KCNH1: variants seen among roughly 807,000 people sequenced by gnomAD.
KCNH1 encodes voltage-gated delayed rectifier potassium channel KCNH1.
KCNH1 carries 27 observed loss-of-function variants against 69.2 expected under a neutral mutation model. The ratio of observed to expected loss-of-function variants is 0.39; its 90% CI spans 0.29 to 0.54. The LOEUF (loss-of-function observed/expected upper bound fraction) is 0.54, where lower values mean the gene tolerates loss of function less well. Ranked by LOEUF, KCNH1 falls within the 20% of genes least tolerant of loss-of-function variation. The probability of loss-of-function intolerance (pLI) is 0.68; values close to 1 mark genes in which losing one functional copy is unlikely to be tolerated. For missense variants in KCNH1, 798 were observed against 1,261.6 expected (o/e 0.63, Z 5.57); for synonymous variants, 456 against 487.7 (o/e 0.93, Z 0.86).
intron 5 of KCNH1, among the ~76,000 whole-genome samples, chr1:211,053,850 G>T (rs1432099063): frequency 6.6e-6 from 1 of 152,058 alleles, no homozygotes; most frequent in Non-Finnish European, 1.5e-5. Context: ...CAAGAGAGAG[G>T]ATTTAAGGTG....
At chr1:210,996,470 A>T (rs949820344) in intron 6 of KCNH1, among the ~76,000 whole-genome samples, 87 of 152,350 alleles carry the variant, frequency 5.7e-4, no homozygotes, top group African/African-American at 2.1e-3. Flanking sequence ...TTGATTAGGT[A>T]AACAAAGCAG....
rs529144364 is a variant in KCNH1, at chr1:210,705,071, G to T, written c.2113-20933C>A. On this transcript the variant is annotated intron_variant, in intron 10 of 10. Coordinates refer to ENST00000271751, the MANE Select transcript of KCNH1 (RefSeq NM_172362.3). Reference sequence around the variant, plus strand: ...GGTAGGGAGGTGGGGCGGCCCCTGCGCAGGAGACAAGAATTGATCTCACTT... The same window carrying T: ...GGTAGGGAGGTGGGGCGGCCCCTGCTCAGGAGACAAGAATTGATCTCACTT... Among the ~76,000 whole-genome samples, 21 of 152,258 alleles carry T rather than the reference G, an allele frequency of 1.4e-4. No homozygotes were observed. In the South Asian group the frequency reaches 3.9e-3, roughly 29 times the overall value.
intron 6 of KCNH1, among the ~76,000 whole-genome samples, chr1:210,936,874 T>C (rs1326018909): frequency 3.9e-5 from 6 of 152,204 alleles, no homozygotes; most frequent in Non-Finnish European, 7.3e-5. Context: ...TGAGTGCAAC[T>C]TTCCATTCCT....
chr1:211,029,538 AGAG>A (rs1250845533), intron 5 of KCNH1, among the ~76,000 whole-genome samples: 2 of 151,974 alleles, frequency 1.3e-5, no homozygotes, highest in Non-Finnish European at 2.9e-5. Flanking sequence ...AAATAGAAAT[AGAG>A]GAGAACTTCC....
At chr1:211,036,361 G>A (rs1000092515) in intron 5 of KCNH1, among the ~76,000 whole-genome samples, 3 of 152,158 alleles carry the variant, frequency 2.0e-5, no homozygotes, top group Non-Finnish European at 4.4e-5. Context: ...ACTCAGATAG[G>A]ACAAATGTAA....
rs563637464 is a variant in KCNH1 at position 210,740,350 on chromosome 1, A to G, written c.2112+34998T>C. ...TTTCATTCCCTCCTATCTTTTTTTC[A>G]GAAACAGACTTTTACCTTCTAACAA... On this transcript the variant is annotated intron_variant, in intron 10 of 10. Transcript: ENST00000271751. Among the ~76,000 whole-genome samples, 13 of 152,270 alleles carry G rather than the reference A, an allele frequency of 8.5e-5. No individual in the cohort carries two copies. In the South Asian group the frequency reaches 2.5e-3, roughly 29 times the overall value.
chr1:210,811,669 A>G (rs568563490), intron 7 of KCNH1, among the ~76,000 whole-genome samples: 103 of 152,276 alleles, frequency 6.8e-4, no homozygotes, highest in Non-Finnish European at 1.4e-3. Context: ...GGCTTCAGGA[A>G]TTACTGGCTT....
intron 7 of KCNH1, among the ~76,000 whole-genome samples, chr1:210,849,723 G>T (rs561693828): frequency 1.3e-5 from 2 of 152,084 alleles, no homozygotes; most frequent in South Asian, 2.1e-4. Context: ...GTAAAACAAA[G>T]AATAGCTACT....
intron 7 of KCNH1, among the ~76,000 whole-genome samples, chr1:210,854,197 C>T (rs926179709): frequency 6.6e-6 from 1 of 152,044 alleles, no homozygotes; most frequent in African/African-American, 2.4e-5. Context: ...TTGTTTTATA[C>T]AATAATGTAT....
At chr1:210,704,229 A>G (rs1484555344) in intron 10 of KCNH1, among the ~76,000 whole-genome samples, 1 of 152,120 alleles carries the variant, frequency 6.6e-6, no homozygotes, top group East Asian at 1.9e-4. Context: ...GAGCAGTACA[A>G]TGCTCTGCTG....
chr1:210,790,506 G>A (rs1684192783), intron 9 of KCNH1, among the ~76,000 whole-genome samples: 1 of 152,092 alleles, frequency 6.6e-6, no homozygotes, highest in East Asian at 1.9e-4. Flanking sequence ...CCCAACTACA[G>A]TTGGCAGATT....
At chr1:210,735,820 CAGAGAG>C (rs886917658) in intron 10 of KCNH1, among the ~76,000 whole-genome samples, 171 of 68,270 alleles carry the variant, frequency 2.5e-3, no homozygotes, top group African/African-American at 6.6e-3. Context: ...CACACACACA[CAGAGAG>C]AGAGAGAGAG....
intron 10 of KCNH1, among the ~76,000 whole-genome samples, chr1:210,709,730 GAGAGAGAGAGAA>G (rs1470476308): frequency 7.4e-6 from 1 of 135,704 alleles, no homozygotes; most frequent in East Asian, 2.0e-4. Context: ...AGAAGAGAGA[GAGAGAGAGAGAA>G]AGAGAGAGAG....
chr1:210,999,385 C>G (rs1234949341), intron 6 of KCNH1, among the ~76,000 whole-genome samples: 1 of 152,090 alleles, frequency 6.6e-6, no homozygotes, highest in African/African-American at 2.4e-5. Context: ...ACTATAAACA[C>G]CTCTACACAA....
chr1:211,010,318 C>T (rs1454439376), intron 6 of KCNH1, among the ~76,000 whole-genome samples: 1 of 151,998 alleles, frequency 6.6e-6, no homozygotes, highest in Non-Finnish European at 1.5e-5. Context: ...CACGTTATTT[C>T]CCTAACTCAT....
chr1:211,122,278 A>T (rs12568832), intron 1 of KCNH1, among the ~76,000 whole-genome samples: 22 of 152,186 alleles, frequency 1.4e-4, no homozygotes, highest in Non-Finnish European at 2.8e-4. Flanking sequence ...ACAATGAGAC[A>T]CTATCTCATA....
At chr1:210,981,006 G>A (rs181013746) in intron 6 of KCNH1, among the ~76,000 whole-genome samples, 34 of 152,246 alleles carry the variant, frequency 2.2e-4, no homozygotes, top group African/African-American at 8.2e-4. Context: ...TATCCTGAAT[G>A]TGGAGAGGTT....
At chr1:210,935,686 T>C (rs536203406) in intron 6 of KCNH1, among the ~76,000 whole-genome samples, 6 of 152,332 alleles carry the variant, frequency 3.9e-5, no homozygotes, top group East Asian at 3.9e-4. Context: ...AATAATTCCA[T>C]AGAGTTCTTT....
intron 5 of KCNH1, among the ~76,000 whole-genome samples, chr1:211,035,077 A>T (rs1571595837): frequency 1.3e-5 from 2 of 152,114 alleles, no homozygotes; most frequent in East Asian, 3.9e-4. Context: ...GGTTGACCAC[A>T]GACTCTCCCC....
Sources: allele counts gnomAD v4.1 joint callset (sites outside exome capture counted in the v4.1 genomes callset), GRCh38; gene constraint gnomAD v4.1.1; transcripts MANE v1.5; gene names NCBI Gene and HGNC (gene_info 2026-07-23, HGNC 2026-07-21).